The following LRBA variants were observed in gnomAD, a reference collection of about 807,000 sequenced individuals.
The protein encoded by LRBA is LPS responsive beige-like anchor protein.
A neutral mutation model predicts 330.0 loss-of-function variants in LRBA; 176 were observed. The observed-to-expected ratio is 0.53, with a 90% confidence interval of 0.47 to 0.60. LRBA has a LOEUF of 0.60. LRBA is among the 20% of genes least tolerant of loss of function. The pLI is 0.00. For synonymous variants in LRBA, 1,230 were observed against 1,193.0 expected, an observed-to-expected ratio of 1.03 and a Z score of -0.64; for missense variants, 3,259 against 3,444.8, an observed-to-expected ratio of 0.95 and a Z score of 1.35.
intron 2 of LRBA, among the ~76,000 whole-genome samples, chr4:150,969,220 T>C (rs886920802): frequency 6.6e-6 from 1 of 152,264 alleles, no homozygotes; most frequent in African/African-American, 2.4e-5. Context: ...GTTCAAAATG[T>C]AATTTCAACT....
At position 150,583,051 on chromosome 4, in the gene LRBA, C is replaced by A; in HGVS notation, c.6330+4997G>T. The A allele has an allele frequency of 6.2e-7, 1 of 1,605,846 alleles. No homozygotes were observed. Among genetic ancestry groups the A allele is most frequent in the South Asian group, 1.1e-5 (1 of 90,232 alleles). ...CAACATGATCGCCGCTCAGGCCAAG[C>A]TGGTTTACCAGCTCAATAAGTACTA... On this transcript the variant is annotated intron_variant, in intron 40 of 56. Coordinates refer to ENST00000651943, the MANE Select transcript of LRBA (RefSeq NM_001364905.1). This position sits in a 1 kb window ranked among gnomAD's most constrained non-coding sequence, Gnocchi z 9.8.
chr4:150,487,956 T>C (rs1229995141), intron 41 of LRBA, 122 bp from the exon 42 acceptor site: 5 of 459,598 alleles, frequency 1.1e-5, no homozygotes, highest in African/African-American at 1.9e-5. Flanking sequence ...ATTCTTACTA[T>C]ATTCCTTTTA....
chr4:150,746,298 G>A (rs541553260), intron 35 of LRBA, among the ~76,000 whole-genome samples: 14 of 152,214 alleles, frequency 9.2e-5, no homozygotes, highest in African/African-American at 3.4e-4. Flanking sequence ...GACTCATGTG[G>A]ATGGAATGTA....
intron 48 of LRBA, among the ~76,000 whole-genome samples, chr4:150,348,014 C>T (rs1736631206): frequency 6.6e-6 from 1 of 152,154 alleles, no homozygotes; most frequent in Non-Finnish European, 1.5e-5. Context: ...GTTCCTTAGT[C>T]ACACTAGCCA....
intron 36 of LRBA, among the ~76,000 whole-genome samples, chr4:150,724,770 G>A (rs1459646931): frequency 4.0e-5 from 6 of 151,008 alleles, no homozygotes; most frequent in Admixed American, 3.3e-4. Context: ...TGAGTAGGGA[G>A]GTGGAGTTTA....
chr4:150,564,920 T>C lies in LRBA; in HGVS notation c.6330+23128A>G, dbSNP rs919758139. ...GCTATGGAGAAAAAAAGAATGCTTT[T>C]ACATCGTTGGTGGGAATGTAAATTA... is the stretch of plus-strand genomic sequence containing the variant. On this transcript the variant is annotated intron_variant, in intron 40 of 56. Transcript: ENST00000651943. Among the ~76,000 whole-genome samples the C allele has an allele frequency of 2.6e-5, 4 of 152,278 alleles. No homozygotes were observed. The East Asian group carries it at 7.7e-4, about 29-fold the overall frequency.
At chr4:150,466,604 T>C (rs934201841) in intron 44 of LRBA, among the ~76,000 whole-genome samples, 1 of 152,056 alleles carries the variant, frequency 6.6e-6, no homozygotes, top group Non-Finnish European at 1.5e-5. Flanking sequence ...GGACCAACAC[T>C]GGGTCAGGGT....
chr4:150,693,494 G>A (rs1034494643), intron 36 of LRBA, among the ~76,000 whole-genome samples: 40 of 144,598 alleles, frequency 2.8e-4, no homozygotes, highest in Non-Finnish European at 5.3e-4. Context: ...AACCCGGGAG[G>A]CGGAGCTTGC....
At chr4:150,402,126 TAAAA>T (rs545194572) in intron 47 of LRBA, among the ~76,000 whole-genome samples, 1 of 117,644 alleles carries the variant, frequency 8.5e-6, no homozygotes, top group Non-Finnish European at 1.8e-5. Context: ...CCATCTCTAC[TAAAA>T]AAAAAAAAAA....
chr4:150,642,556 TAAATG>T (rs1281126680), intron 37 of LRBA, among the ~76,000 whole-genome samples: 2 of 151,896 alleles, frequency 1.3e-5, no homozygotes, highest in African/African-American at 4.8e-5. Context: ...GAACAAATCT[TAAATG>T]AAATGGTGTA....
chr4:150,268,341 C>CCAAA (rs1231057756), intron 56 of LRBA, among the ~76,000 whole-genome samples: 17 of 152,240 alleles, frequency 1.1e-4, no homozygotes, highest in African/African-American at 3.9e-4. Context: ...ATGAATTCTA[C>CCAAA]CAAACATTTA....
intron 36 of LRBA, among the ~76,000 whole-genome samples, chr4:150,703,066 C>T (rs1034441830): frequency 5.3e-5 from 8 of 152,150 alleles, no homozygotes; most frequent in African/African-American, 1.7e-4. Flanking sequence ...GAGGCTGAGG[C>T]GTAAGAATCG....
intron 40 of LRBA, among the ~76,000 whole-genome samples, chr4:150,572,254 A>T (rs905963098): frequency 6.6e-6 from 1 of 152,144 alleles, no homozygotes; most frequent in Non-Finnish European, 1.5e-5. Context: ...ACAGAAAGTC[A>T]AACAGCAACT....
At chr4:150,540,970 T>C (rs13151692) in intron 40 of LRBA, among the ~76,000 whole-genome samples, 1 of 151,958 alleles carries the variant, frequency 6.6e-6, no homozygotes, top group Non-Finnish European at 1.5e-5. Context: ...ACCATTACTG[T>C]CCTCAAAAAA....
chr4:150,909,484 CGTGTGTTTAT>C lies in LRBA; in HGVS notation c.1162-637_1162-628del, dbSNP rs145940796. On this transcript the variant is annotated intron_variant, in intron 9 of 56. Coordinates refer to ENST00000651943, the MANE Select transcript of LRBA (RefSeq NM_001364905.1). ...TGTTTTTTAAGGTTGAATATGGTCC[CGTGTGTTTAT>C]GTGTGTTGTCTGTCACATTTTCTTT... is the stretch of plus-strand genomic sequence containing the variant. Among the ~76,000 whole-genome samples, 1,282 of 152,140 alleles carry C rather than the reference CGTGTGTTTAT, an allele frequency of 8.4e-3. 6 individuals are homozygous for C. The highest frequency in any genetic ancestry group is 0.013 in the Non-Finnish European group (911 of 67,978).
At chr4:150,564,184 A>G (rs1351174375) in intron 40 of LRBA, among the ~76,000 whole-genome samples, 4 of 152,176 alleles carry the variant, frequency 2.6e-5, no homozygotes, top group African/African-American at 4.8e-5. Flanking sequence ...GTACCAAAAC[A>G]GATATATAAG....
chr4:150,500,155 A>C (rs1214182953), intron 40 of LRBA, among the ~76,000 whole-genome samples: 1 of 152,114 alleles, frequency 6.6e-6, no homozygotes, highest in Non-Finnish European at 1.5e-5. Flanking sequence ...TAATATGCTA[A>C]TTACCCTGAT....
chr4:150,845,425 C>T (rs1237948446), intron 26 of LRBA, among the ~76,000 whole-genome samples: 1 of 152,118 alleles, frequency 6.6e-6, no homozygotes, highest in African/African-American at 2.4e-5. Context: ...TTACCTAAGG[C>T]TCCCACGAAT....
intron 44 of LRBA, among the ~76,000 whole-genome samples, chr4:150,446,637 C>G (rs1377635988): frequency 6.6e-6 from 1 of 152,174 alleles, no homozygotes; most frequent in African/African-American, 2.4e-5. Flanking sequence ...GCAGACTCTG[C>G]TAAAATAGTC....
Sources: allele counts gnomAD v4.1 joint callset (sites outside exome capture counted in the v4.1 genomes callset), GRCh38; gene constraint gnomAD v4.1.1; non-coding constraint Gnocchi (gnomAD v3.1); transcripts MANE v1.5; gene names NCBI Gene and HGNC (gene_info 2026-07-23, HGNC 2026-07-21).